COL4A3: variants seen among roughly 807,000 people sequenced by gnomAD.
The protein encoded by COL4A3 is collagen alpha-3(IV) chain.
COL4A3 carries 135 observed loss-of-function variants against 217.4 expected under a neutral mutation model. The observed-to-expected ratio is 0.62, with a 90% CI of 0.54 to 0.72. The LOEUF is 0.72. Among genes scored for constraint, COL4A3 ranks in the 30% least tolerant of loss-of-function variants. The pLI, the probability that COL4A3 is intolerant of heterozygous loss-of-function variation, is 0.00. For missense variants in COL4A3, 1,868 were observed against 2,119.9 expected (o/e 0.88, Z 2.33); for synonymous variants, 690 against 736.3 (o/e 0.94, Z 1.02).
intron 21 of COL4A3, among the ~76,000 whole-genome samples, 178 bp downstream of exon 21, chr2:227,264,122 G>A (rs932365299): frequency 4.6e-5 from 7 of 152,228 alleles, no homozygotes; most frequent in Non-Finnish European, 8.8e-5. Context: ...GCAATGACTA[G>A]TTAACAAATG....
At chr2:227,270,644 G>A in intron 24 of COL4A3, 126 bp from the exon 25 acceptor site, 1 of 883,952 alleles carries the variant, frequency 1.1e-6, no homozygotes, top group Non-Finnish European at 1.8e-6. Context: ...TAATAGTTGT[G>A]GACCAAAGAG....
chr2:227,246,220 C>A, intron 6 of COL4A3: 1 of 606,664 alleles, frequency 1.6e-6, no homozygotes, highest in South Asian at 1.9e-5. Context: ...GAAAGTTCTC[C>A]CACAGAAAGA....
At chr2:227,243,174 C>T (rs1158866234) in intron 3 of COL4A3, among the ~76,000 whole-genome samples, 1 of 152,140 alleles carries the variant, frequency 6.6e-6, no homozygotes, top group African/African-American at 2.4e-5. Context: ...AAACACATGG[C>T]ACTTAGTATG....
intron 1 of COL4A3, among the ~76,000 whole-genome samples, chr2:227,190,520 C>T (rs527655021): frequency 5.1e-4 from 78 of 152,222 alleles, no homozygotes; most frequent in South Asian, 2.1e-3. Flanking sequence ...TTTATTATTT[C>T]GGATCAAAAT....
At chr2:227,224,602 A>T (rs1380686318) in intron 1 of COL4A3, among the ~76,000 whole-genome samples, 1 of 152,168 alleles carries the variant, frequency 6.6e-6, no homozygotes, top group Non-Finnish European at 1.5e-5. Context: ...AATATAAAAA[A>T]TTAGCCAGGT....
Position 227,297,530 on chromosome 2 carries a change from T to A in COL4A3, c.3566-144T>A. ...AGCTCTATATTGCATTTACCAGCAA[T>A]ATATTATAAAATATATATTTTAGAA... On this transcript the variant is annotated intron_variant, in intron 41 of 51. Transcript: ENST00000396578. The A allele has an allele frequency of 5.4e-6, 4 of 742,922 alleles. No individual in the cohort carries two copies. The South Asian group carries it at 6.1e-5, about 11-fold the overall frequency. The allele number at this position is 742,922 out of a possible 1,614,324, so 46.0% of individuals were successfully genotyped here.
In COL4A3 at chr2:227,213,914, A is replaced by AAAAAAGAAAAAG. The variant is rs1324956107; in HGVS notation, c.88-24042_88-24031dup. Among the ~76,000 whole-genome samples, 473 of 146,206 alleles carry AAAAAAGAAAAAG rather than the reference A, an allele frequency of 3.2e-3. 4 individuals are homozygous for AAAAAAGAAAAAG. The highest frequency in any genetic ancestry group is 0.012 in the African/African-American group (450 of 37,950). On this transcript the variant is annotated intron_variant, in intron 1 of 51. Coordinates refer to ENST00000396578, the MANE Select transcript of COL4A3 (RefSeq NM_000091.5). ...AAAACTCTGTCTCAAAAAAAAAAAA[A>AAAAAAGAAAAAG]AAAAAGAAAAAGAAAAAGAAAAAAC... is the stretch of plus-strand genomic sequence containing the variant.
chr2:227,287,794 T>C (rs924033783), intron 34 of COL4A3, among the ~76,000 whole-genome samples: 1 of 152,180 alleles, frequency 6.6e-6, no homozygotes, highest in African/African-American at 2.4e-5. Context: ...CCAACTCTAG[T>C]ATAGAGTTTA....
chr2:227,249,697 T>A (rs2069616751), intron 9 of COL4A3, among the ~76,000 whole-genome samples: 2 of 152,064 alleles, frequency 1.3e-5, no homozygotes, highest in Admixed American at 1.3e-4. Flanking sequence ...CTGCAAAAAA[T>A]GCAGAATGAT....
At chr2:227,296,472 C>G (rs2073033709) in intron 41 of COL4A3, 1 of 978,818 alleles carries the variant, frequency 1.0e-6, no homozygotes, top group Middle Eastern at 5.2e-4. Context: ...TGATTATGCA[C>G]CTCAATCCCT....
chr2:227,286,289 C>T (rs1052458330), intron 34 of COL4A3, among the ~76,000 whole-genome samples: 3 of 149,086 alleles, frequency 2.0e-5, no homozygotes, highest in South Asian at 2.1e-4. Context: ...GTCAGGAGTT[C>T]GAGACCAGCC....
At chr2:227,221,715 T>C (rs1286064459) in intron 1 of COL4A3, among the ~76,000 whole-genome samples, 1 of 152,174 alleles carries the variant, frequency 6.6e-6, no homozygotes, top group East Asian at 1.9e-4. Flanking sequence ...ACATATATAT[T>C]TATCTTATCT....
intron 34 of COL4A3, 137 bp from the exon 35 acceptor site, chr2:227,289,013 C>T (rs1194368195): frequency 2.6e-5 from 17 of 645,304 alleles, no homozygotes; most frequent in East Asian, 6.3e-5. Flanking sequence ...TGCAGTGGCA[C>T]GATCTCAGCT....
At chr2:227,272,005 G>A (rs765816987) in intron 25 of COL4A3, among the ~76,000 whole-genome samples, 6 of 152,198 alleles carry the variant, frequency 3.9e-5, no homozygotes, top group Non-Finnish European at 7.3e-5. Flanking sequence ...AATATGAACT[G>A]TGAGTCTTCC....
chr2:227,198,408 T>C (rs948017195), intron 1 of COL4A3, among the ~76,000 whole-genome samples: 16 of 152,244 alleles, frequency 1.1e-4, no homozygotes, highest in African/African-American at 3.9e-4. Flanking sequence ...AGTATATCAT[T>C]TATGAAGAAC....
intron 1 of COL4A3, among the ~76,000 whole-genome samples, chr2:227,193,332 C>A (rs4528750): frequency 0.24 from 36,557 of 152,196 alleles, 5,706 homozygotes; most frequent in African/African-American, 0.43. Flanking sequence ...CATTTTAAAT[C>A]TTTTTCCTAA....
intron 18 of COL4A3, 103 bp downstream of exon 18, chr2:227,257,747 T>C (rs374677226): frequency 2.9e-6 from 3 of 1,035,968 alleles, no homozygotes; most frequent in African/African-American, 3.1e-5. Context: ...GTGAGAGAGA[T>C]TATAACATTT....
intron 11 of COL4A3, among the ~76,000 whole-genome samples, chr2:227,252,602 ACACAC>A: frequency 6.8e-6 from 1 of 146,194 alleles, no homozygotes; most frequent in East Asian, 1.9e-4. Context: ...ACACACACAC[ACACAC>A]ACACACACAC....
At position 227,312,987 on chromosome 2, in the gene COL4A3, G is replaced by T. The variant is rs894454785; in HGVS notation, c.*1117G>T. ...GTTGTTCTTACAAACCATACTGAAA[G>T]AGTCCATTGTTTAAAAATCTTAATG... On this transcript the variant is annotated 3_prime_UTR_variant, in exon 52 of 52. Transcript: ENST00000396578. 6.6e-6 allele frequency: 1 copy of T among 151,026 alleles called. No homozygotes were observed. Among genetic ancestry groups the T allele is most frequent in the Admixed American group, 6.6e-5 (1 of 15,112 alleles). 9.4% of individuals were successfully genotyped at this position (151,026 alleles called of 1,614,324 possible).
Sources: allele counts gnomAD v4.1 joint callset (sites outside exome capture counted in the v4.1 genomes callset), GRCh38; gene constraint gnomAD v4.1.1; transcripts MANE v1.5; gene names NCBI Gene and HGNC (gene_info 2026-07-23, HGNC 2026-07-21).